Variants in STX8 observed in about 807,000 individuals in gnomAD.
STX8 encodes syntaxin 8.
A neutral mutation model predicts 37.5 loss-of-function variants in STX8; 23 were observed. The ratio of observed to expected loss-of-function variants is 0.61; its 90% confidence interval spans 0.44 to 0.87. STX8 has a LOEUF of 0.87. STX8 is among the 40% of genes least tolerant of loss of function. The pLI, the probability that STX8 is intolerant of heterozygous loss-of-function variation, is 0.00. For missense variants in STX8, 313 were observed against 284.7 expected (o/e 1.10, Z -0.71); for synonymous variants, 115 against 99.1 (o/e 1.16, Z -0.95).
chr17:9,557,352 T>A, intron 3 of STX8, 82 bp downstream of exon 3: 1 of 1,158,752 alleles, frequency 8.6e-7, no homozygotes, highest in South Asian at 1.3e-5. Flanking sequence ...AAAATCTGGG[T>A]GGCCCAGATT....
intron 6 of STX8, among the ~76,000 whole-genome samples, chr17:9,479,718 C>A (rs889741910): frequency 6.6e-6 from 1 of 151,632 alleles, no homozygotes; most frequent in Non-Finnish European, 1.5e-5. Flanking sequence ...CCATAAGTAG[C>A]AAATTAAGTA....
chr17:9,261,253 C>T (rs1168808146), intron 7 of STX8, among the ~76,000 whole-genome samples: 1 of 152,206 alleles, frequency 6.6e-6, no homozygotes, highest in Non-Finnish European at 1.5e-5. Flanking sequence ...TGTGAGACCT[C>T]ACGGCCCGGC....
At chr17:9,360,632 T>C (rs1205495693) in intron 7 of STX8, among the ~76,000 whole-genome samples, 2 of 146,848 alleles carry the variant, frequency 1.4e-5, no homozygotes, top group Non-Finnish European at 3.0e-5. Context: ...CTTAATTCCC[T>C]GTCTGCAAGA....
chr17:9,373,107 C>CA (rs11317325), intron 7 of STX8, among the ~76,000 whole-genome samples: 2,221 of 95,858 alleles, frequency 0.023, 47 homozygotes, highest in African/African-American at 0.048. Context: ...GACTCCATCT[C>CA]AAAAAAAAAA....
chr17:9,454,645 A>G (rs1340298402), intron 6 of STX8, among the ~76,000 whole-genome samples: 7 of 147,728 alleles, frequency 4.7e-5, no homozygotes, highest in South Asian at 2.1e-4. Flanking sequence ...GCGCCACTGC[A>G]CTCCAGCCTG....
At chr17:9,516,902 G>A (rs1325009854) in intron 4 of STX8, among the ~76,000 whole-genome samples, 1 of 152,002 alleles carries the variant, frequency 6.6e-6, no homozygotes, top group African/African-American at 2.4e-5. Context: ...AACTAAGTGG[G>A]CCAATGGTTT....
chr17:9,421,285 G>C (rs898936020), intron 6 of STX8, among the ~76,000 whole-genome samples: 2 of 151,420 alleles, frequency 1.3e-5, no homozygotes, highest in East Asian at 2.0e-4. Flanking sequence ...CCAGCTACTC[G>C]GGAGGCTGAG....
At chr17:9,291,092 G>C (rs1219780648) in intron 7 of STX8, among the ~76,000 whole-genome samples, 3 of 152,170 alleles carry the variant, frequency 2.0e-5, no homozygotes, top group African/African-American at 7.2e-5. Context: ...AATCACTGTA[G>C]AATTATATGC....
chr17:9,566,197 GA>G (rs895762272), intron 2 of STX8, among the ~76,000 whole-genome samples: 2 of 152,068 alleles, frequency 1.3e-5, no homozygotes. Context: ...AAAAAAACAG[GA>G]AAAAAAGCTC....
chr17:9,555,024 A>G (rs1349202321), intron 3 of STX8: 1 of 152,194 alleles, frequency 6.6e-6, no homozygotes, highest in Non-Finnish European at 1.5e-5. Flanking sequence ...TACAGTAGAA[A>G]TAGATCAATT....
chr17:9,379,117 C>T (rs1911702372), intron 6 of STX8, among the ~76,000 whole-genome samples: 1 of 151,694 alleles, frequency 6.6e-6, no homozygotes, highest in Non-Finnish European at 1.5e-5. Flanking sequence ...TGGTGGTGTG[C>T]ACCTGTAATC....
rs1393664868 is a variant in STX8, at chr17:9,420,703, C to A, written c.542-42050G>T. ...ATCCTCATACACTCACAACCCACTA[C>A]AACTGAGCTTGAGGCGCGATTATTA... On this transcript the variant is annotated intron_variant, in intron 6 of 7. Transcript: ENST00000306357. 1.3e-5 allele frequency among the ~76,000 whole-genome samples: 2 copies of A among 152,170 alleles called. 1 individual carries two copies. The highest frequency in any genetic ancestry group is 4.8e-5 in the African/African-American group (2 of 41,446).
intron 4 of STX8, among the ~76,000 whole-genome samples, chr17:9,533,141 G>A (rs941627143): frequency 1.3e-5 from 2 of 152,180 alleles, no homozygotes; most frequent in African/African-American, 4.8e-5. Flanking sequence ...GAAGAAACCA[G>A]CTCTATGAAA....
chr17:9,413,663 C>T (rs1029511854), intron 6 of STX8, among the ~76,000 whole-genome samples: 1 of 152,098 alleles, frequency 6.6e-6, no homozygotes, highest in Admixed American at 6.5e-5. Flanking sequence ...TCCAGTGTTT[C>T]CACTACCCCA....
In STX8 at chr17:9,557,428, G is replaced by A. The variant is rs1278494434; in HGVS notation, c.212+6C>T. 2 of 1,609,256 alleles carry A rather than the reference G, an allele frequency of 1.2e-6. No homozygotes were observed. The highest frequency in any genetic ancestry group is 1.7e-6 in the Non-Finnish European group (2 of 1,175,908). On this transcript the variant is annotated splice_donor_region_variant and intron_variant, in intron 3 of 7. Transcript: ENST00000306357. ...AGAAAAGAGGTGGAAATGTTTACAT[G>A]GATACATCTGATGTGTTGACACAGC... is the stretch of plus-strand genomic sequence containing the variant.
chr17:9,517,347 T>C (rs1254092590), intron 4 of STX8, among the ~76,000 whole-genome samples: 1 of 152,134 alleles, frequency 6.6e-6, no homozygotes, highest in East Asian at 1.9e-4. Context: ...AACATGGAAT[T>C]AATTATTTTT....
intron 6 of STX8, among the ~76,000 whole-genome samples, chr17:9,459,951 T>C (rs1905304159): frequency 6.6e-6 from 1 of 152,206 alleles, no homozygotes; most frequent in South Asian, 2.1e-4. Context: ...AACTCGCTAC[T>C]GGCAGAGCCG....
At chr17:9,418,683 C>T (rs1229431238) in intron 6 of STX8, among the ~76,000 whole-genome samples, 6 of 151,378 alleles carry the variant, frequency 4.0e-5, no homozygotes, top group South Asian at 2.1e-4. Context: ...AAAAATTAGC[C>T]GGGCGTGGTG....
At chr17:9,515,124 A>T (rs1255005073) in intron 4 of STX8, among the ~76,000 whole-genome samples, 1 of 152,200 alleles carries the variant, frequency 6.6e-6, no homozygotes, top group Non-Finnish European at 1.5e-5. Flanking sequence ...TGCTGTTTGC[A>T]TTCTGGTGGG....
Sources: allele counts gnomAD v4.1 joint callset (sites outside exome capture counted in the v4.1 genomes callset), GRCh38; gene constraint gnomAD v4.1.1; transcripts MANE v1.5; gene names NCBI Gene and HGNC (gene_info 2026-07-23, HGNC 2026-07-21).